Variants in GPC5 observed in about 807,000 individuals in gnomAD.
GPC5 encodes the protein glypican-5.
A neutral mutation model predicts 53.9 loss-of-function variants in GPC5; 47 were observed. The ratio of observed to expected loss-of-function variants is 0.87; its 90% CI spans 0.69 to 1.11. GPC5 has a LOEUF of 1.11. Among genes scored for constraint, GPC5 ranks in the 50% most tolerant of loss-of-function variants. The pLI is 0.00. For missense variants in GPC5, 748 were observed against 713.1 expected (o/e 1.05, Z -0.56); for synonymous variants, 286 against 263.3 (o/e 1.09, Z -0.84).
intron 7 of GPC5, among the ~76,000 whole-genome samples, chr13:92,304,202 T>TC (rs2043094746): frequency 6.8e-6 from 1 of 146,754 alleles, no homozygotes; most frequent in Admixed American, 6.7e-5. Flanking sequence ...CCATTTACTT[T>TC]CTTTTTTTTT....
chr13:91,714,369 T>TCA (rs377664763), intron 3 of GPC5, among the ~76,000 whole-genome samples: 1 of 151,910 alleles, frequency 6.6e-6, no homozygotes, highest in African/African-American at 2.4e-5. Context: ...TAGGATACAA[T>TCA]CACACACACA....
At chr13:91,768,823 C>T (rs2037570762) in intron 5 of GPC5, among the ~76,000 whole-genome samples, 1 of 152,078 alleles carries the variant, frequency 6.6e-6, no homozygotes, top group Admixed American at 6.6e-5. Context: ...GGAATTGAGT[C>T]ATTGCCATTT....
chr13:92,177,734 T>G (rs547363500), intron 7 of GPC5, among the ~76,000 whole-genome samples: 1 of 152,316 alleles, frequency 6.6e-6, no homozygotes, highest in South Asian at 2.1e-4. Context: ...CTGAATAACA[T>G]GCCTAAACTC....
chr13:92,851,724 GAA>G lies in GPC5; in HGVS notation c.1562-14544_1562-14543del, dbSNP rs535451701. Reference sequence around the variant, plus strand: ...GTGAAACTCCATCTCTACTAAAAATGAAAAAAAAAAAAAAATTAGCCAGGCGT... The same window carrying G: ...GTGAAACTCCATCTCTACTAAAAATGAAAAAAAAAAAAATTAGCCAGGCGT... On this transcript the variant is annotated intron_variant, in intron 7 of 7. Coordinates refer to ENST00000377067, the MANE Select transcript of GPC5 (RefSeq NM_004466.6). Among the ~76,000 whole-genome samples the G allele has an allele frequency of 5.1e-4, 68 of 134,098 alleles. 1 individual carries two copies. The highest frequency in any genetic ancestry group is 1.4e-3 in the Admixed American group (19 of 13,210). 88.0% of individuals were successfully genotyped at this position (134,098 alleles called of 152,430 possible).
At chr13:92,141,799 C>T (rs907891340) in intron 6 of GPC5, among the ~76,000 whole-genome samples, 2 of 152,062 alleles carry the variant, frequency 1.3e-5, no homozygotes, top group Non-Finnish European at 2.9e-5. Context: ...CTCCCAAGCT[C>T]GTCTAGGTTG....
At chr13:92,001,876 A>T (rs1269802176) in intron 6 of GPC5, among the ~76,000 whole-genome samples, 1 of 152,140 alleles carries the variant, frequency 6.6e-6, no homozygotes, top group Non-Finnish European at 1.5e-5. Flanking sequence ...ACTTTACTGG[A>T]ATTCTCATTT....
chr13:91,550,324 G>T (rs143469657), intron 2 of GPC5, among the ~76,000 whole-genome samples: 19 of 152,206 alleles, frequency 1.2e-4, no homozygotes, highest in African/African-American at 4.3e-4. Flanking sequence ...ATGAATACAT[G>T]TCACTAAGAG....
chr13:91,752,052 T>G (rs572575619), intron 4 of GPC5, among the ~76,000 whole-genome samples: 54 of 152,328 alleles, frequency 3.5e-4, no homozygotes, highest in African/African-American at 1.3e-3. Flanking sequence ...GCTTCTCTCC[T>G]TGGCTTGCAG....
In GPC5 at chr13:91,876,794, G is replaced by T. The variant is rs939948058; in HGVS notation, c.1281-31143G>T. 5.3e-5 allele frequency among the ~76,000 whole-genome samples: 8 copies of T among 152,290 alleles called. No individual in the cohort carries two copies. The East Asian group carries it at 7.7e-4, about 15-fold the overall frequency. ...GCCTAATGTTAATCCCCAAGACCAT[G>T]GGGAATATGTCTCCAGGCCATGTCA... On this transcript the variant is annotated intron_variant, in intron 5 of 7. Transcript: ENST00000377067.
chr13:92,423,413 G>A (rs1389834724), intron 7 of GPC5, among the ~76,000 whole-genome samples: 1 of 152,060 alleles, frequency 6.6e-6, no homozygotes, highest in Admixed American at 6.6e-5. Context: ...TTTTCCATCA[G>A]ATAACATTAT....
intron 7 of GPC5, among the ~76,000 whole-genome samples, chr13:92,459,981 A>C (rs1878417311): frequency 6.6e-6 from 1 of 152,152 alleles, no homozygotes; most frequent in African/African-American, 2.4e-5. Flanking sequence ...ACCACATAGC[A>C]AAATAACTGG....
chr13:91,498,510 T>A (rs1035338877), intron 2 of GPC5, among the ~76,000 whole-genome samples: 2 of 152,016 alleles, frequency 1.3e-5, no homozygotes, highest in Non-Finnish European at 2.9e-5. Context: ...TTAACTAGGG[T>A]GTGAACTGGG....
chr13:92,029,527 C>T (rs1294868077), intron 6 of GPC5, among the ~76,000 whole-genome samples: 1 of 152,196 alleles, frequency 6.6e-6, no homozygotes, highest in East Asian at 1.9e-4. Context: ...AGCATCTGAA[C>T]CACTTTCTGG....
At chr13:91,648,692 A>G (rs2034621511) in intron 2 of GPC5, among the ~76,000 whole-genome samples, 1 of 149,354 alleles carries the variant, frequency 6.7e-6, no homozygotes, top group African/African-American at 2.6e-5. Flanking sequence ...GCCATAAAAC[A>G]TACATACACA....
intron 5 of GPC5, among the ~76,000 whole-genome samples, chr13:91,849,222 C>A (rs2038885852): frequency 6.6e-6 from 1 of 152,080 alleles, no homozygotes; most frequent in African/African-American, 2.4e-5. Flanking sequence ...ATTTTCAGCC[C>A]ACTACTACCT....
chr13:92,384,461 TAAAGG>T (rs76020649), intron 7 of GPC5, among the ~76,000 whole-genome samples: 4,430 of 152,244 alleles, frequency 0.029, 128 homozygotes, highest in East Asian at 0.11. Flanking sequence ...CAGTATGACT[TAAAGG>T]AAATCGAATT....
At chr13:92,459,775 G>A (rs894936882) in intron 7 of GPC5, among the ~76,000 whole-genome samples, 1 of 151,900 alleles carries the variant, frequency 6.6e-6, no homozygotes, top group East Asian at 1.9e-4. Flanking sequence ...TCAGCAACTT[G>A]TTTTATTTTT....
At chr13:92,504,615 T>C (rs1880302208) in intron 7 of GPC5, among the ~76,000 whole-genome samples, 1 of 151,872 alleles carries the variant, frequency 6.6e-6, no homozygotes, top group Non-Finnish European at 1.5e-5. Context: ...ATCAAAAGAA[T>C]ACAGTATTAG....
intron 5 of GPC5, among the ~76,000 whole-genome samples, chr13:91,895,739 G>T (rs918133533): frequency 6.6e-6 from 1 of 151,866 alleles, no homozygotes; most frequent in African/African-American, 2.4e-5. Flanking sequence ...GCTCCAGTTT[G>T]GGGGTGGTAT....
Sources: allele counts gnomAD v4.1 joint callset (sites outside exome capture counted in the v4.1 genomes callset), GRCh38; gene constraint gnomAD v4.1.1; transcripts MANE v1.5; gene names NCBI Gene and HGNC (gene_info 2026-07-23, HGNC 2026-07-21).